PTPRT: variants seen among roughly 807,000 people sequenced by gnomAD.
The protein encoded by PTPRT is protein tyrosine phosphatase receptor type T.
A neutral mutation model predicts 176.8 loss-of-function variants in PTPRT; 56 were observed. The observed-to-expected ratio is 0.32, with a 90% confidence interval of 0.26 to 0.40. The LOEUF (loss-of-function observed/expected upper bound fraction) is 0.40, where lower values mean the gene tolerates loss of function less well. Ranked by LOEUF, PTPRT falls within the 10% of genes least tolerant of loss-of-function variation. PTPRT has a pLI of 1.00. For missense variants in PTPRT, 1,540 were observed against 1,908.2 expected, an observed-to-expected ratio of 0.81 and a Z score of 3.60; for synonymous variants, 783 against 739.0, an observed-to-expected ratio of 1.06 and a Z score of -0.96.
chr20:42,036,655 G>C, the PTPRT span, among the ~76,000 whole-genome samples: 8 of 152,330 alleles, frequency 5.3e-5, 1 homozygote, highest in East Asian at 1.5e-3. Context: ...ATGAAGGCCT[G>C]AGATAAACAC....
intron 7 of PTPRT, among the ~76,000 whole-genome samples, chr20:42,639,434 T>C (rs1010243956): frequency 4.6e-5 from 7 of 152,272 alleles, no homozygotes; most frequent in African/African-American, 1.7e-4. Flanking sequence ...CCACTGCCTT[T>C]GCATGCAGCC....
Position 42,771,496 on chromosome 20 carries a change from T to C in PTPRT, c.623A>G (p.Asn208Ser). Reference sequence around the variant, plus strand: ...ACCAGCAATGCACTGAAATGTGGCATTCTGCCCCACATTCACCTCCACGTT... The same window carrying C: ...ACCAGCAATGCACTGAAATGTGGCACTCTGCCCCACATTCACCTCCACGTT... ...LQNVEVNVGQ[N>S]ATFQCIAGGK... Residue 208 changes from asparagine (N) to serine (S), a missense_variant, in exon 5 of 31, where the codon AAT becomes AGT. By Grantham distance (46) the Asn-to-Ser change is conservative. Coordinates refer to ENST00000373187, the MANE Select transcript of PTPRT (RefSeq NM_007050.6). 2.5e-6 allele frequency: 4 copies of C among 1,614,170 alleles called. No homozygotes were observed. The highest frequency in any genetic ancestry group is 3.4e-6 in the Non-Finnish European group (4 of 1,180,014).
At chr20:42,036,210 C>T in the PTPRT span, among the ~76,000 whole-genome samples, 2 of 152,178 alleles carry the variant, frequency 1.3e-5, no homozygotes, top group African/African-American at 4.8e-5. Flanking sequence ...GTCCTGTGGC[C>T]ATTGGTGCAT....
chr20:43,079,659 A>G (rs1333362286), intron 1 of PTPRT, among the ~76,000 whole-genome samples: 1 of 152,116 alleles, frequency 6.6e-6, no homozygotes, highest in Non-Finnish European at 1.5e-5. Context: ...ATCTTCTATT[A>G]TATATTCTTA....
At chr20:42,632,844 C>T (rs1302031862) in intron 7 of PTPRT, among the ~76,000 whole-genome samples, 1 of 152,050 alleles carries the variant, frequency 6.6e-6, no homozygotes, top group East Asian at 1.9e-4. Flanking sequence ...GAGCAGCCTG[C>T]TAGCTGTAGT....
intron 9 of PTPRT, among the ~76,000 whole-genome samples, chr20:42,443,794 G>A (rs2059339534): frequency 6.6e-6 from 1 of 152,200 alleles, no homozygotes; most frequent in Non-Finnish European, 1.5e-5. Context: ...TCAAAGCTGG[G>A]CTAGCAGCAG....
intron 22 of PTPRT, among the ~76,000 whole-genome samples, chr20:42,114,883 C>A (rs1568944642): frequency 6.6e-6 from 1 of 152,148 alleles, no homozygotes; most frequent in Non-Finnish European, 1.5e-5. Flanking sequence ...GCCCAAATGC[C>A]TCCTCTGCTA....
intron 6 of PTPRT, among the ~76,000 whole-genome samples, chr20:42,730,952 C>A (rs983489394): frequency 6.6e-6 from 1 of 152,072 alleles, no homozygotes; most frequent in African/African-American, 2.4e-5. Flanking sequence ...AGGTGGGTGT[C>A]CATACAGCTT....
intron 9 of PTPRT, among the ~76,000 whole-genome samples, chr20:42,403,707 G>A (rs1224852599): frequency 6.6e-6 from 1 of 152,124 alleles, no homozygotes; most frequent in African/African-American, 2.4e-5. Context: ...GAAAAGTGCA[G>A]GGACTTGGAC....
chr20:42,935,110 C>G (rs1422243200), intron 1 of PTPRT, among the ~76,000 whole-genome samples: 1 of 144,030 alleles, frequency 6.9e-6, no homozygotes, highest in Non-Finnish European at 1.5e-5. Flanking sequence ...CCTTTTGCAA[C>G]CTAATCTTGG....
At chr20:42,208,054 T>A (rs2055518128) in intron 15 of PTPRT, among the ~76,000 whole-genome samples, 4 of 118,228 alleles carry the variant, frequency 3.4e-5, no homozygotes, top group Admixed American at 8.7e-5. Flanking sequence ...GCTTCATAAG[T>A]GAAGGAGAAA....
At chr20:42,604,215 T>C (rs1448132299) in intron 7 of PTPRT, among the ~76,000 whole-genome samples, 1 of 152,026 alleles carries the variant, frequency 6.6e-6, no homozygotes, top group Non-Finnish European at 1.5e-5. Context: ...CCTCCATTTG[T>C]CCCCCCGCTC....
chr20:43,015,903 C>CAGAAAGGTTCAT (rs1405568530), intron 1 of PTPRT, among the ~76,000 whole-genome samples: 1 of 147,550 alleles, frequency 6.8e-6, no homozygotes, highest in East Asian at 2.0e-4. Flanking sequence ...ATGCCCCAAT[C>CAGAAAGGTTCAT]AGAAAGGTTC....
At chr20:42,840,161 G>T (rs1191151130) in intron 2 of PTPRT, among the ~76,000 whole-genome samples, 1 of 152,070 alleles carries the variant, frequency 6.6e-6, no homozygotes, top group Non-Finnish European at 1.5e-5. Flanking sequence ...CTCGTGGTTT[G>T]CTGGTAATCC....
At chr20:42,504,108 T>C (rs1410234290) in intron 7 of PTPRT, among the ~76,000 whole-genome samples, 1 of 152,154 alleles carries the variant, frequency 6.6e-6, no homozygotes, top group Non-Finnish European at 1.5e-5. Flanking sequence ...TCAGGGGAAT[T>C]GTGATTTATT....
At chr20:42,811,298 G>A (rs766753339) in intron 2 of PTPRT, among the ~76,000 whole-genome samples, 54 of 152,096 alleles carry the variant, frequency 3.6e-4, no homozygotes, top group Non-Finnish European at 7.1e-4. Flanking sequence ...AAGGACAGAC[G>A]GATGGATGGA....
chr20:43,146,474 A>G (rs536390411), intron 1 of PTPRT, among the ~76,000 whole-genome samples: 1 of 152,130 alleles, frequency 6.6e-6, no homozygotes, highest in South Asian at 2.1e-4. Flanking sequence ...ATTCCAGGAG[A>G]TATCTTGGGA....
intron 9 of PTPRT, among the ~76,000 whole-genome samples, chr20:42,425,588 C>A (rs1282569313): frequency 1.3e-5 from 2 of 152,130 alleles, no homozygotes; most frequent in African/African-American, 2.4e-5. Flanking sequence ...GTATTCTATA[C>A]TTGAAATTTG....
At chr20:42,063,454 A>G in the PTPRT span, 1 of 152,224 alleles carries the variant, frequency 6.6e-6, no homozygotes, top group Non-Finnish European at 1.5e-5. Context: ...TCTCAGAGAC[A>G]GATGGATTCA....
Sources: gnomAD v4.1 joint callset for allele counts (sites outside exome capture counted in the v4.1 genomes callset) on GRCh38, gnomAD v4.1.1 for gene constraint, MANE v1.5 for transcripts, NCBI Gene and HGNC (gene_info 2026-07-23, HGNC 2026-07-21) for gene names.